Variants in TAFA4 observed in about 807,000 individuals in gnomAD.
TAFA4 encodes chemokine-like protein TAFA-4.
Under a neutral mutation model 21.1 loss-of-function variants are expected in TAFA4, and 20 were observed. The observed-to-expected ratio is 0.95, with a 90% CI of 0.67 to 1.38. TAFA4 has a LOEUF of 1.38. Ranked by LOEUF, TAFA4 falls within the 40% of genes most tolerant of loss-of-function variation. TAFA4 has a pLI of 0.00. For synonymous variants in TAFA4, 71 were observed against 67.4 expected, an observed-to-expected ratio of 1.05 and a Z score of -0.26; for missense variants, 211 against 180.9, an observed-to-expected ratio of 1.17 and a Z score of -0.95.
chr3:68,822,193 G>C (rs994317558), intron 3 of TAFA4, among the ~76,000 whole-genome samples: 4 of 152,156 alleles, frequency 2.6e-5, no homozygotes, highest in African/African-American at 7.2e-5. Context: ...AACTGTTATT[G>C]AGTCAAAACA....
chr3:68,927,570 A>T (rs1042067964), intron 1 of TAFA4, among the ~76,000 whole-genome samples: 15 of 152,160 alleles, frequency 9.9e-5, no homozygotes, highest in African/African-American at 1.4e-4. Flanking sequence ...TTATCTTTTT[A>T]AAAAAAGCTT....
At chr3:68,733,177 A>ACATT in intron 5 of TAFA4, 24 bp from the exon 6 acceptor site, 2 of 1,612,756 alleles carry the variant, frequency 1.2e-6, no homozygotes, top group Non-Finnish European at 1.7e-6. Context: ...AAATAAGGGA[A>ACATT]CATTCAACAC....
intron 5 of TAFA4, among the ~76,000 whole-genome samples, chr3:68,736,985 A>C (rs1702252529): frequency 6.6e-6 from 1 of 151,692 alleles, no homozygotes; most frequent in Non-Finnish European, 1.5e-5. Context: ...GCTACAGCAA[A>C]CTTACATTCC....
At chr3:68,888,140 T>C (rs2089692714) in intron 1 of TAFA4, among the ~76,000 whole-genome samples, 1 of 152,150 alleles carries the variant, frequency 6.6e-6, no homozygotes, top group African/African-American at 2.4e-5. Flanking sequence ...GCTCTTAAAT[T>C]CCATCTTCTA....
intron 1 of TAFA4, among the ~76,000 whole-genome samples, chr3:68,912,914 T>C (rs1041255444): frequency 4.6e-5 from 7 of 152,180 alleles, no homozygotes; most frequent in Non-Finnish European, 2.9e-5. Flanking sequence ...CTCAAGGTAT[T>C]TACCCAGGTT....
At chr3:68,926,926 T>A (rs932626704) in intron 1 of TAFA4, among the ~76,000 whole-genome samples, 1 of 151,932 alleles carries the variant, frequency 6.6e-6, no homozygotes, top group Non-Finnish European at 1.5e-5. Context: ...AATAAATAAA[T>A]AAAAAATAAT....
At chr3:68,866,814 A>G (rs1048312037) in intron 3 of TAFA4, among the ~76,000 whole-genome samples, 12 of 151,890 alleles carry the variant, frequency 7.9e-5, no homozygotes, top group Admixed American at 7.9e-4. Flanking sequence ...AGCAGAATGA[A>G]TAAAACCAGA....
chr3:68,858,880 T>G (rs1177319543), intron 3 of TAFA4, among the ~76,000 whole-genome samples: 5 of 152,030 alleles, frequency 3.3e-5, no homozygotes, highest in African/African-American at 1.2e-4. Flanking sequence ...CATTCTGGAA[T>G]ATCTGAGTCA....
At chr3:68,886,893 A>G (rs116625696) in intron 1 of TAFA4, among the ~76,000 whole-genome samples, 5 of 152,332 alleles carry the variant, frequency 3.3e-5, no homozygotes, top group Non-Finnish European at 7.4e-5. Context: ...AAATTTCAAC[A>G]TGAGTTTTGG....
At chr3:68,852,291 G>A (rs1704969033) in intron 3 of TAFA4, among the ~76,000 whole-genome samples, 1 of 152,252 alleles carries the variant, frequency 6.6e-6, no homozygotes, top group Non-Finnish European at 1.5e-5. Context: ...GAGTTTGGAG[G>A]ATAAACTGAG....
chr3:68,794,554 G>A (rs78176817), intron 3 of TAFA4, among the ~76,000 whole-genome samples: 4 of 151,984 alleles, frequency 2.6e-5, no homozygotes, highest in Non-Finnish European at 4.4e-5. Flanking sequence ...CTTTCATATC[G>A]TTTCTATTTT....
chr3:68,779,590 C>G lies in TAFA4; in HGVS notation c.131-26572G>C, dbSNP rs1433881374. 2.6e-5 allele frequency among the ~76,000 whole-genome samples: 4 copies of G among 152,194 alleles called. No individual in the cohort carries two copies. The East Asian group carries it at 5.8e-4, about 22-fold the overall frequency. ...GGGCCAAAGTACAGCTGGGCTGTTG[C>G]TTCAGAGGGTTGAAGCCCCACGACT... is the stretch of plus-strand genomic sequence containing the variant. On this transcript the variant is annotated intron_variant, in intron 3 of 5. Transcript: ENST00000295569.
intron 3 of TAFA4, among the ~76,000 whole-genome samples, chr3:68,766,154 G>A (rs1405791208): frequency 6.6e-6 from 1 of 151,628 alleles, no homozygotes; most frequent in Non-Finnish European, 1.5e-5. Context: ...GAAAGAGAAG[G>A]AGAAAGAGAT....
At chr3:68,821,226 T>A (rs943924423) in intron 3 of TAFA4, among the ~76,000 whole-genome samples, 12 of 151,950 alleles carry the variant, frequency 7.9e-5, no homozygotes, top group Non-Finnish European at 1.6e-4. Context: ...CAGTGAGGAC[T>A]CACAGCTATT....
intron 1 of TAFA4, among the ~76,000 whole-genome samples, chr3:68,905,698 G>T (rs1189357968): frequency 6.6e-6 from 1 of 152,114 alleles, no homozygotes; most frequent in African/African-American, 2.4e-5. Context: ...ATGTTCAAAG[G>T]CCCTGAGGTG....
At chr3:68,766,273 T>G (rs557798053) in intron 3 of TAFA4, among the ~76,000 whole-genome samples, 1 of 152,006 alleles carries the variant, frequency 6.6e-6, no homozygotes, top group Admixed American at 6.6e-5. Context: ...CCTGCACACA[T>G]AAACACACAT....
chr3:68,775,745 G>A (rs1435401245), intron 3 of TAFA4, among the ~76,000 whole-genome samples: 1 of 152,172 alleles, frequency 6.6e-6, no homozygotes, highest in Non-Finnish European at 1.5e-5. Flanking sequence ...GGCAATGATA[G>A]CAACAACCAA....
chr3:68,842,141 G>A (rs1287924761), intron 3 of TAFA4, among the ~76,000 whole-genome samples: 2 of 152,126 alleles, frequency 1.3e-5, no homozygotes, highest in African/African-American at 4.8e-5. Context: ...CACAGTAGTT[G>A]AACTAATTTA....
intron 5 of TAFA4, 21 bp downstream of exon 5, chr3:68,739,054 T>C: frequency 6.2e-7 from 1 of 1,611,328 alleles, no homozygotes; most frequent in African/African-American, 1.3e-5. Context: ...TAAATTGTAG[T>C]TGCATTTTGT....
Sources: gnomAD v4.1 joint callset for allele counts (sites outside exome capture counted in the v4.1 genomes callset) on GRCh38, gnomAD v4.1.1 for gene constraint, MANE v1.5 for transcripts, NCBI Gene and HGNC (gene_info 2026-07-23, HGNC 2026-07-21) for gene names.